Variants in ARID2 observed in about 807,000 individuals in gnomAD.
The protein encoded by ARID2 is AT-rich interaction domain 2.
A neutral mutation model predicts 184.6 loss-of-function variants in ARID2; 32 were observed. That is an observed-to-expected ratio of 0.17 (90% CI 0.13 to 0.23). The LOEUF is 0.23. Among genes scored for constraint, ARID2 ranks in the 10% least tolerant of loss-of-function variants. The pLI, the probability that ARID2 is intolerant of heterozygous loss-of-function variation, is 1.00. For synonymous variants in ARID2, 836 were observed against 772.6 expected (o/e 1.08, Z -1.36); for missense variants, 1,696 against 2,197.6 (o/e 0.77, Z 4.56).
At chr12:45,863,715 T>G (rs1021536435) in intron 16 of ARID2, among the ~76,000 whole-genome samples, 1 of 152,178 alleles carries the variant, frequency 6.6e-6, no homozygotes, top group East Asian at 1.9e-4. Flanking sequence ...ATGTGCTCTC[T>G]TCCTTTTAAG....
At chr12:45,899,091 G>T (rs928908843) in intron 20 of ARID2, among the ~76,000 whole-genome samples, 2 of 150,240 alleles carry the variant, frequency 1.3e-5, no homozygotes, top group Non-Finnish European at 3.0e-5. Flanking sequence ...GGCCAACATG[G>T]TGAAACCCCA....
intron 3 of ARID2, among the ~76,000 whole-genome samples, chr12:45,788,229 T>A (rs939756143): frequency 2.0e-5 from 3 of 152,226 alleles, no homozygotes; most frequent in Non-Finnish European, 4.4e-5. Context: ...GCTATTTTTA[T>A]TCATATTAGC....
chr12:45,754,178 A>G (rs967757627), intron 3 of ARID2, among the ~76,000 whole-genome samples: 3 of 152,232 alleles, frequency 2.0e-5, no homozygotes, highest in South Asian at 2.1e-4. Context: ...ACTTGAATGC[A>G]TAAGTAATAG....
chr12:45,905,952 C>CTTTTTT lies in ARID2; in HGVS notation c.*880_*885dup, dbSNP rs200988904. ...TTTTTTCTTTTTTCTTTTTTTTTTT[C>CTTTTTT]TTTTTTTTTTTGTATTATACACCTT... On this transcript the variant is annotated 3_prime_UTR_variant, in exon 21 of 21. Transcript: ENST00000334344. 1.5e-5 allele frequency: 2 copies of CTTTTTT among 137,292 alleles called. No individual in the cohort carries two copies. The highest frequency in any genetic ancestry group is 3.4e-5 in the African/African-American group (1 of 29,224). 8.5% of individuals were successfully genotyped at this position (137,292 alleles called of 1,614,324 possible). A position where few individuals can be genotyped will look rare whatever the true frequency, so the allele number is the denominator to read the frequency against.
At chr12:45,904,827 G>A in intron 20 of ARID2, 107 bp from the exon 21 acceptor site, 1 of 1,102,662 alleles carries the variant, frequency 9.1e-7, no homozygotes, top group East Asian at 2.5e-5. Flanking sequence ...TACGGGGTGT[G>A]GAGCTATGTA....
intron 3 of ARID2, among the ~76,000 whole-genome samples, chr12:45,739,393 A>G (rs1171239135): frequency 6.7e-6 from 1 of 150,224 alleles, no homozygotes; most frequent in Non-Finnish European, 1.5e-5. Context: ...GTATCAGTAA[A>G]TAATTTTTAA....
At chr12:45,781,679 A>G (rs543317706) in intron 3 of ARID2, among the ~76,000 whole-genome samples, 1 of 151,960 alleles carries the variant, frequency 6.6e-6, no homozygotes, top group Non-Finnish European at 1.5e-5. Context: ...TGCTGACTGA[A>G]TTTCCCAGGG....
rs2138174803 is a variant in ARID2, at chr12:45,851,939, A to G, written c.3816A>G (p.Arg1272=). The change falls in exon 15 of 21, where the codon CGA becomes CGG. Residue 1272 remains arginine, a synonymous_variant. Coordinates refer to ENST00000334344, the MANE Select transcript of ARID2 (RefSeq NM_152641.4). ...AAGTCATGGAGAACCCGTCCTGCCG[A>G]CGAGGAGCCACAAACACCAGCAATG... The part of the protein sequence containing the change: ...KIEVMENPSC[R]RGATNTSNGD... 1.2e-6 allele frequency: 2 copies of G among 1,614,178 alleles called. No homozygotes were observed. The highest frequency in any genetic ancestry group is 1.7e-6 in the Non-Finnish European group (2 of 1,180,028).
At chr12:45,742,080 T>G (rs1188092070) in intron 3 of ARID2, among the ~76,000 whole-genome samples, 3 of 152,168 alleles carry the variant, frequency 2.0e-5, no homozygotes, top group Non-Finnish European at 4.4e-5. Context: ...ATAGAATACT[T>G]CCAGAAGTGT....
chr12:45,766,987 A>C (rs1941784232), intron 3 of ARID2, among the ~76,000 whole-genome samples: 1 of 152,086 alleles, frequency 6.6e-6, no homozygotes, highest in Non-Finnish European at 1.5e-5. Flanking sequence ...ACAAAAAACA[A>C]CAACAATAAC....
chr12:45,789,558 C>T (rs1348838077), intron 3 of ARID2: 1 of 151,964 alleles, frequency 6.6e-6, no homozygotes, highest in Non-Finnish European at 1.5e-5. Flanking sequence ...TTAAATTAGC[C>T]TTGATAACCA....
chr12:45,860,688 TA>T, intron 15 of ARID2, 112 bp from the exon 16 acceptor site: 1 of 965,518 alleles, frequency 1.0e-6, no homozygotes, highest in Non-Finnish European at 1.4e-6. Context: ...TTATAAAATG[TA>T]AATTTTATGG....
chr12:45,733,801 G>A (rs1229281775), intron 3 of ARID2, among the ~76,000 whole-genome samples: 1 of 152,260 alleles, frequency 6.6e-6, no homozygotes, highest in African/African-American at 2.4e-5. Context: ...ATTAAATATA[G>A]ACTTGAGTAT....
intron 3 of ARID2, among the ~76,000 whole-genome samples, chr12:45,778,980 GT>G (rs1393871935): frequency 6.6e-6 from 1 of 151,756 alleles, no homozygotes; most frequent in African/African-American, 2.4e-5. Context: ...ATCTTTATTA[GT>G]TTTTTAACCT....
Position 45,747,791 on chromosome 12 carries a change from A to G in ARID2, c.284+16477A>G, listed in dbSNP as rs143834822. ...TAAATGTGTCATTTTGTGCAATTCT[A>G]TGCAGTACTTGAAGTTGTTTTTAAG... On this transcript the variant is annotated intron_variant, in intron 3 of 20. Transcript: ENST00000334344. Among the ~76,000 whole-genome samples, 429 of 152,278 alleles carry G rather than the reference A, an allele frequency of 2.8e-3. 1 individual carries two copies. The highest frequency in any genetic ancestry group is 9.8e-3 in the African/African-American group (406 of 41,552).
At chr12:45,904,813 C>T in intron 20 of ARID2, 121 bp from the exon 21 acceptor site, 2 of 861,776 alleles carry the variant, frequency 2.3e-6, no homozygotes, top group East Asian at 3.4e-5. Flanking sequence ...ACTATATTAA[C>T]ATTTACGGGG....
intron 16 of ARID2, among the ~76,000 whole-genome samples, chr12:45,884,525 T>C (rs1362336362): frequency 1.3e-5 from 2 of 152,218 alleles, no homozygotes; most frequent in Non-Finnish European, 2.9e-5. Flanking sequence ...GTACACATTT[T>C]AAAAACATTT....
chr12:45,735,400 T>C lies in ARID2; in HGVS notation c.284+4086T>C, dbSNP rs73290770. ...GTTATTCATGCATGTATTTCAAATT[T>C]AACTTTATAAACTGTATCGTGTGTG... On this transcript the variant is annotated intron_variant, in intron 3 of 20. Coordinates refer to ENST00000334344, the MANE Select transcript of ARID2 (RefSeq NM_152641.4). 7.3e-3 allele frequency among the ~76,000 whole-genome samples: 1,106 copies of C among 151,046 alleles called. 12 individuals carry two copies. The highest frequency in any genetic ancestry group is 0.026 in the African/African-American group (1,047 of 40,998).
chr12:45,853,996 C>T (rs1353475364), intron 15 of ARID2, among the ~76,000 whole-genome samples: 1 of 152,208 alleles, frequency 6.6e-6, no homozygotes, highest in Non-Finnish European at 1.5e-5. Context: ...TCTGTATTTA[C>T]TTACAGCCGC....
Sources: allele counts gnomAD v4.1 joint callset (sites outside exome capture counted in the v4.1 genomes callset), GRCh38; gene constraint gnomAD v4.1.1; transcripts MANE v1.5; gene names NCBI Gene and HGNC (gene_info 2026-07-23, HGNC 2026-07-21).